TOGARAM1: variants seen among roughly 807,000 people sequenced by gnomAD.
The protein encoded by TOGARAM1 is TOG array regulator of axonemal microtubules 1.
TOGARAM1 carries 100 observed loss-of-function variants against 166.6 expected under a neutral mutation model. The ratio of observed to expected loss-of-function variants is 0.60; its 90% confidence interval spans 0.51 to 0.71. The LOEUF is 0.71. TOGARAM1 is among the 30% of genes least tolerant of loss of function. The pLI, the probability that TOGARAM1 is intolerant of heterozygous loss-of-function variation, is 0.00. For missense variants in TOGARAM1, 2,029 were observed against 2,102.7 expected, an observed-to-expected ratio of 0.96 and a Z score of 0.69; for synonymous variants, 758 against 763.8, an observed-to-expected ratio of 0.99 and a Z score of 0.13.
chr14:45,008,432 G>A (rs1246956142), intron 5 of TOGARAM1, among the ~76,000 whole-genome samples: 1 of 151,936 alleles, frequency 6.6e-6, no homozygotes, highest in Non-Finnish European at 1.5e-5. Context: ...GGCTTCAGAA[G>A]TTACGTACAG....
chr14:45,035,284 C>T (rs950626677), intron 11 of TOGARAM1, among the ~76,000 whole-genome samples: 14 of 151,762 alleles, frequency 9.2e-5, no homozygotes, highest in African/African-American at 1.5e-4. Flanking sequence ...CGCTTAAACC[C>T]GGGAGGCGGA....
chr14:44,988,329 A>G (rs1037261628), intron 1 of TOGARAM1, among the ~76,000 whole-genome samples: 2 of 152,244 alleles, frequency 1.3e-5, no homozygotes, highest in Admixed American at 1.3e-4. Flanking sequence ...TATGATGTTT[A>G]TGAGCCAATT....
intron 1 of TOGARAM1, among the ~76,000 whole-genome samples, chr14:44,974,629 G>T (rs920027980): frequency 1.3e-5 from 2 of 152,060 alleles, no homozygotes; most frequent in Admixed American, 6.6e-5. Flanking sequence ...GTAATATACT[G>T]TTAAGGTGTG....
In TOGARAM1 at chr14:44,963,883, G is replaced by C; in HGVS notation, c.1462G>C (p.Glu488Gln). 6.2e-7 allele frequency: 1 copy of C among 1,614,060 alleles called. No homozygotes were observed. Among genetic ancestry groups the C allele is most frequent in the Non-Finnish European group, 8.5e-7 (1 of 1,179,910 alleles). ...CAAACATAAGCATTCCAGAGTGAGAGAGGAGGTGGTGAACATTTGCATCTG... is the reference window on the plus strand; with the variant it reads ...CAAACATAAGCATTCCAGAGTGAGACAGGAGGTGGTGAACATTTGCATCTG... Reference protein sequence around the residue: ...HLKHKHSRVREEVVNICICSL... With the variant: ...HLKHKHSRVRQEVVNICICSL... Residue 488 changes from glutamate (E) to glutamine (Q), a missense_variant, in exon 1 of 20, where the codon GAG becomes CAG. This residue lies in a region of TOGARAM1 where 1,453 missense variants were observed against 1,432.2 expected (regional missense o/e 1.01). Coordinates refer to ENST00000361462, the MANE Select transcript of TOGARAM1 (RefSeq NM_001308120.2).
chr14:45,009,032 C>G lies in TOGARAM1; in HGVS notation c.3024C>G (p.Asp1008Glu). 2 of 1,614,080 alleles carry G rather than the reference C, an allele frequency of 1.2e-6. No homozygotes were observed. Among genetic ancestry groups the G allele is most frequent in the South Asian group, 2.2e-5 (2 of 91,086 alleles). Residue 1008 changes from aspartate (D) to glutamate (E), a missense_variant, in exon 6 of 20, where the codon GAC becomes GAG. Coordinates refer to ENST00000361462, the MANE Select transcript of TOGARAM1 (RefSeq NM_001308120.2). Reference protein sequence around the residue: ...DSAMKLDLTMDSPSLSSSPNI... With the variant: ...DSAMKLDLTMESPSLSSSPNI... ...CAATGAAGCTCGACTTGACGATGGACTCCCCGTCTCTGTCTTCCTCACCAA... is the reference window on the plus strand; with the variant it reads ...CAATGAAGCTCGACTTGACGATGGAGTCCCCGTCTCTGTCTTCCTCACCAA...
chr14:45,061,027 A>G (rs1882880263), intron 16 of TOGARAM1, among the ~76,000 whole-genome samples: 2 of 152,360 alleles, frequency 1.3e-5, no homozygotes, highest in South Asian at 4.1e-4. Flanking sequence ...GCCTACAGCA[A>G]TTAGTACATG....
rs761006111 is a variant in TOGARAM1 at position 45,054,483 on chromosome 14, A to T, written c.4493A>T (p.His1498Leu). The T allele has an allele frequency of 3.6e-5, 57 of 1,605,436 alleles. No homozygotes were observed. The highest frequency in any genetic ancestry group is 3.3e-5 in the Non-Finnish European group (39 of 1,172,456). ...DTPSAKGRRS[H>L]TGSVGNTRSS... ...CCTTCAGCAAAAGGAAGACGATCTC[A>T]TACTGGCAGTGTTGGAAATACAAGA... The change falls in exon 16 of 20, where the codon CAT becomes CTT. Residue 1498 changes from histidine to leucine, a missense_variant. Transcript: ENST00000361462.
At chr14:45,039,613 C>T (rs556202577) in intron 11 of TOGARAM1, among the ~76,000 whole-genome samples, 98 of 152,280 alleles carry the variant, frequency 6.4e-4, no homozygotes, top group Non-Finnish European at 1.1e-3. Flanking sequence ...TGTGCACACC[C>T]GGCTAGTTCC....
At chr14:44,966,466 G>C (rs73346360) in intron 1 of TOGARAM1, among the ~76,000 whole-genome samples, 23,827 of 151,766 alleles carry the variant, frequency 0.16, 3,457 homozygotes, top group African/African-American at 0.39. Flanking sequence ...GAGCAAGACT[G>C]CATCTCAAAA....
intron 1 of TOGARAM1, among the ~76,000 whole-genome samples, chr14:44,966,031 C>T (rs1370757427): frequency 1.1e-4 from 17 of 151,646 alleles, no homozygotes; most frequent in African/African-American, 2.2e-4. Flanking sequence ...CCCACCACCA[C>T]GCCCAGCTAA....
intron 16 of TOGARAM1, among the ~76,000 whole-genome samples, chr14:45,055,922 G>C (rs184856406): frequency 1.8e-4 from 26 of 143,210 alleles, no homozygotes; most frequent in African/African-American, 6.3e-4. Flanking sequence ...TGTGATAAAT[G>C]ATATTGGTAT....
intron 13 of TOGARAM1, among the ~76,000 whole-genome samples, chr14:45,045,895 T>A (rs896910598): frequency 6.6e-6 from 1 of 151,508 alleles, no homozygotes; most frequent in Non-Finnish European, 1.5e-5. Context: ...GACTTTTCAT[T>A]TGGGTAGATT....
At chr14:45,015,634 A>G (rs1880086251) in intron 7 of TOGARAM1, among the ~76,000 whole-genome samples, 1 of 150,502 alleles carries the variant, frequency 6.6e-6, no homozygotes, top group Non-Finnish European at 1.5e-5. Flanking sequence ...AAAATGTGTT[A>G]GGCACTGTGC....
In TOGARAM1 at chr14:45,073,632, T is replaced by C. The variant is rs1883482235; in HGVS notation, c.*71T>C. 7.1e-7 allele frequency: 1 copy of C among 1,409,808 alleles called. No homozygotes were observed. Among genetic ancestry groups the C allele is most frequent in the East Asian group, 2.4e-5 (1 of 41,914 alleles). The allele number at this position is 1,409,808 out of a possible 1,614,324, so 87.3% of individuals were successfully genotyped here. On this transcript the variant is annotated 3_prime_UTR_variant, in exon 20 of 20. Transcript: ENST00000361462. ...GACAAATGGAACTTTCTAAAAGTTA[T>C]GTTATCAGTGCCTGCACTTCACATC...
At chr14:44,987,516 A>G (rs1465188375) in intron 1 of TOGARAM1, among the ~76,000 whole-genome samples, 1 of 152,222 alleles carries the variant, frequency 6.6e-6, no homozygotes, top group Non-Finnish European at 1.5e-5. Context: ...TGTTCTCATC[A>G]CTGGCCATCA....
rs754166298 is a variant in TOGARAM1 at position 45,006,217 on chromosome 14, A to G, written c.2854A>G (p.Ile952Val). The part of the protein sequence containing the change: ...IWKCEKDSLP[I>V]DLSELNFKDK... ...GAAGTGTGAAAAAGATAGTCTTCCAATTGATCTTTCAGAATTAAATTTCAA... is the reference window on the plus strand; with the variant it reads ...GAAGTGTGAAAAAGATAGTCTTCCAGTTGATCTTTCAGAATTAAATTTCAA... Residue 952 changes from isoleucine (I) to valine (V), a missense_variant, in exon 5 of 20, where the codon ATT (isoleucine) becomes GTT (valine). Coordinates refer to ENST00000361462, the MANE Select transcript of TOGARAM1 (RefSeq NM_001308120.2). 1.2e-6 allele frequency: 2 copies of G among 1,613,412 alleles called. No individual in the cohort carries two copies. The highest frequency in any genetic ancestry group is 1.7e-6 in the Non-Finnish European group (2 of 1,179,422).
At chr14:44,999,657 G>A (rs897907903) in intron 3 of TOGARAM1, among the ~76,000 whole-genome samples, 160 bp downstream of exon 3, 2 of 152,064 alleles carry the variant, frequency 1.3e-5, no homozygotes, top group Non-Finnish European at 2.9e-5. Context: ...TTACCCTAAA[G>A]TATTAGTTTT....
chr14:45,001,307 A>G (rs940091169), intron 3 of TOGARAM1, among the ~76,000 whole-genome samples: 1 of 152,218 alleles, frequency 6.6e-6, no homozygotes, highest in African/African-American at 2.4e-5. Context: ...CTGCTAGAAG[A>G]AAACATTAGT....
intron 1 of TOGARAM1, among the ~76,000 whole-genome samples, chr14:44,982,071 G>A (rs1886568115): frequency 6.6e-6 from 1 of 151,922 alleles, no homozygotes; most frequent in South Asian, 2.1e-4. Context: ...TTGAACTCCT[G>A]GCCTCAGTGT....
Sources: allele counts gnomAD v4.1 joint callset (sites outside exome capture counted in the v4.1 genomes callset), GRCh38; gene constraint gnomAD v4.1.1; regional missense constraint gnomAD v4.1.1; transcripts MANE v1.5; gene names NCBI Gene and HGNC (gene_info 2026-07-23, HGNC 2026-07-21).